Variants in DOCK3 observed in about 807,000 individuals in gnomAD.
DOCK3 encodes the protein dedicator of cytokinesis 3, also known as dedicator of cytokinesis protein 3.
A neutral mutation model predicts 265.6 loss-of-function variants in DOCK3; 60 were observed. That is an observed-to-expected ratio of 0.23 (90% CI 0.18 to 0.28). The LOEUF is 0.28. DOCK3 is among the 10% of genes least tolerant of loss of function. The probability of loss-of-function intolerance (pLI) is 1.00; values close to 1 mark genes in which losing one functional copy is unlikely to be tolerated. For missense variants in DOCK3, 1,981 were observed against 2,594.3 expected (o/e 0.76, Z 5.14); for synonymous variants, 881 against 938.0 (o/e 0.94, Z 1.11).
At chr3:50,750,991 A>G (rs534081468) in intron 1 of DOCK3, among the ~76,000 whole-genome samples, 1 of 152,320 alleles carries the variant, frequency 6.6e-6, no homozygotes, top group South Asian at 2.1e-4. Flanking sequence ...ATTTATTGGA[A>G]TAGCTTCTCA....
At chr3:51,293,486 G>T (rs1474205576) in intron 27 of DOCK3, among the ~76,000 whole-genome samples, 1 of 152,118 alleles carries the variant, frequency 6.6e-6, no homozygotes, top group East Asian at 1.9e-4. Flanking sequence ...ACTGAAAATG[G>T]ATTGAAGACC....
intron 12 of DOCK3, among the ~76,000 whole-genome samples, chr3:51,181,221 T>C (rs978715603): frequency 6.6e-6 from 1 of 152,040 alleles, no homozygotes; most frequent in Non-Finnish European, 1.5e-5. Flanking sequence ...ATGTGCCATG[T>C]TGGTGTGCTG....
At chr3:50,861,869 T>A (rs1383750632) in intron 3 of DOCK3, among the ~76,000 whole-genome samples, 2 of 151,748 alleles carry the variant, frequency 1.3e-5, no homozygotes, top group African/African-American at 4.8e-5. Flanking sequence ...TTTTTTTTTT[T>A]TAAATACAAA....
At chr3:50,700,021 A>G (rs1310472055) in intron 1 of DOCK3, among the ~76,000 whole-genome samples, 1 of 152,086 alleles carries the variant, frequency 6.6e-6, no homozygotes, top group East Asian at 1.9e-4. Context: ...GGTGGCTCAC[A>G]CCCGTAATCC....
rs1660303761 is a variant in DOCK3 at position 51,357,126 on chromosome 3, T to C, written c.4668T>C (p.Ile1556=). The C allele has an allele frequency of 1.2e-6, 2 of 1,612,240 alleles. No individual in the cohort carries two copies. Among genetic ancestry groups the C allele is most frequent in the Non-Finnish European group, 1.7e-6 (2 of 1,179,788 alleles). Residue 1556 remains isoleucine, a synonymous_variant, in exon 44 of 53, where the codon ATT becomes ATC. Transcript: ENST00000266037. The part of the protein sequence containing the change: ...GVIDAAVNGG[I]ARYQEAFFDK... ...TTGATGCAGCTGTCAATGGAGGCAT[T>C]GCACGCTATCAGGAGGTAAGCTGTG... is the stretch of plus-strand genomic sequence containing the variant.
At chr3:50,846,066 A>G (rs1427631875) in intron 3 of DOCK3, among the ~76,000 whole-genome samples, 6 of 152,210 alleles carry the variant, frequency 3.9e-5, no homozygotes, top group Admixed American at 2.6e-4. Context: ...AGCACATAAG[A>G]ACGTGATAAT....
At chr3:51,225,625 G>A in intron 14 of DOCK3, 24 bp from the exon 15 acceptor site, 1 of 1,602,826 alleles carries the variant, frequency 6.2e-7, no homozygotes, top group Non-Finnish European at 8.5e-7. Flanking sequence ...GAGTCATAAG[G>A]ATGTGGCATT....
At chr3:50,704,495 A>T (rs992923675) in intron 1 of DOCK3, among the ~76,000 whole-genome samples, 4 of 152,210 alleles carry the variant, frequency 2.6e-5, no homozygotes, top group Non-Finnish European at 4.4e-5. Context: ...TCATTATATA[A>T]GTATAAAGTA....
At chr3:50,897,532 G>T (rs1245749395) in intron 4 of DOCK3, among the ~76,000 whole-genome samples, 2 of 152,142 alleles carry the variant, frequency 1.3e-5, no homozygotes, top group African/African-American at 4.8e-5. Context: ...AATAGGCATG[G>T]TGAGAGAGGG....
intron 9 of DOCK3, among the ~76,000 whole-genome samples, chr3:51,118,707 A>G (rs758048992): frequency 2.6e-5 from 4 of 152,026 alleles, no homozygotes; most frequent in African/African-American, 4.8e-5. Flanking sequence ...CTTTACCATT[A>G]TGTAATACCC....
intron 1 of DOCK3, among the ~76,000 whole-genome samples, chr3:50,771,145 A>G (rs2041249132): frequency 6.6e-6 from 1 of 152,252 alleles, no homozygotes; most frequent in South Asian, 2.1e-4. Flanking sequence ...GAAACAGTCA[A>G]TAAAATGAAC....
chr3:50,874,055 T>C (rs1252461794), intron 3 of DOCK3, among the ~76,000 whole-genome samples: 1 of 140,096 alleles, frequency 7.1e-6, no homozygotes, highest in Non-Finnish European at 1.5e-5. Context: ...TTTTTTTTTT[T>C]CTTTTCTTTT....
intron 12 of DOCK3, among the ~76,000 whole-genome samples, chr3:51,173,995 G>T (rs1450435682): frequency 6.6e-6 from 1 of 151,834 alleles, no homozygotes; most frequent in East Asian, 1.9e-4. Context: ...CTCTTTTTGT[G>T]TCTCTAACTG....
chr3:51,292,159 G>C (rs1177581731), intron 27 of DOCK3, among the ~76,000 whole-genome samples: 1 of 152,132 alleles, frequency 6.6e-6, no homozygotes, highest in Non-Finnish European at 1.5e-5. Context: ...AAAACTGAAA[G>C]CATTTTTTTT....
chr3:51,091,544 G>A (rs759727201), intron 9 of DOCK3, among the ~76,000 whole-genome samples: 15 of 152,020 alleles, frequency 9.9e-5, no homozygotes, highest in South Asian at 2.1e-4. Context: ...TTAGCTGGGC[G>A]TGGTGGCGGG....
chr3:50,723,043 G>A (rs2037573845), intron 1 of DOCK3, among the ~76,000 whole-genome samples: 1 of 152,166 alleles, frequency 6.6e-6, no homozygotes, highest in Non-Finnish European at 1.5e-5. Context: ...AAAGTTCAGG[G>A]AATACAGACG....
At chr3:50,763,301 G>A (rs1559607343) in intron 1 of DOCK3, among the ~76,000 whole-genome samples, 2 of 152,034 alleles carry the variant, frequency 1.3e-5, no homozygotes, top group Non-Finnish European at 2.9e-5. Flanking sequence ...TTATTTTTGA[G>A]ATGGAGTCTC....
chr3:51,261,217 G>T (rs534401808), intron 23 of DOCK3, among the ~76,000 whole-genome samples: 1 of 151,604 alleles, frequency 6.6e-6, no homozygotes, highest in African/African-American at 2.4e-5. Flanking sequence ...TGAGGTACCC[G>T]GCTCATCTCA....
chr3:51,364,225 C>G (rs2086960008), intron 49 of DOCK3, among the ~76,000 whole-genome samples: 1 of 152,102 alleles, frequency 6.6e-6, no homozygotes, highest in Non-Finnish European at 1.5e-5. Context: ...ATTTGCATTT[C>G]TCTGATGGCC....
Sources: gnomAD v4.1 joint callset for allele counts (sites outside exome capture counted in the v4.1 genomes callset) on GRCh38, gnomAD v4.1.1 for gene constraint, MANE v1.5 for transcripts, NCBI Gene and HGNC (gene_info 2026-07-23, HGNC 2026-07-21) for gene names.